SYCP2: variants seen among roughly 807,000 people sequenced by gnomAD.
The protein encoded by SYCP2 is synaptonemal complex lateral element protein.
SYCP2 carries 55 observed loss-of-function variants against 211.3 expected under a neutral mutation model. The ratio of observed to expected loss-of-function variants is 0.26; its 90% CI spans 0.21 to 0.33. The LOEUF (loss-of-function observed/expected upper bound fraction) is 0.33. Among genes scored for constraint, SYCP2 ranks in the 10% least tolerant of loss-of-function variants. SYCP2 has a pLI of 1.00. For synonymous variants in SYCP2, 570 were observed against 555.2 expected, an observed-to-expected ratio of 1.03 and a Z score of -0.37; for missense variants, 1,731 against 1,752.0, an observed-to-expected ratio of 0.99 and a Z score of 0.21.
intron 9 of SYCP2, 30 bp from the exon 10 acceptor site, chr20:59,915,229 A>G (rs2060414257): frequency 1.3e-6 from 2 of 1,486,676 alleles, no homozygotes; most frequent in Non-Finnish European, 1.9e-6. Context: ...ATTACAAAAT[A>G]GACCAGTATC....
chr20:59,914,904 T>C (rs1158950495), intron 10 of SYCP2, among the ~76,000 whole-genome samples: 1 of 151,994 alleles, frequency 6.6e-6, no homozygotes, highest in Non-Finnish European at 1.5e-5. Context: ...AGCTATTAAA[T>C]TAAGCTATTA....
At chr20:59,864,772 T>A (rs2059296786) in intron 44 of SYCP2, among the ~76,000 whole-genome samples, 1 of 152,072 alleles carries the variant, frequency 6.6e-6, no homozygotes, top group African/African-American at 2.4e-5. Context: ...TATGTCAGCA[T>A]ATTGAGGTTC....
Position 59,901,769 on chromosome 20 carries a change from T to C in SYCP2, c.1075A>G (p.Thr359Ala). The C allele has an allele frequency of 2.5e-6, 4 of 1,604,828 alleles. No individual in the cohort carries two copies. Among genetic ancestry groups the C allele is most frequent in the South Asian group, 1.1e-5 (1 of 89,526 alleles). ...KKLLTIILKN[T>A]VKISKREGKE... ...CCTTCTCTTTTGCTAATTTTTACTG[T>C]ATTTTTCAGAATTATTGTCAGTAGC... The change falls in exon 16 of 45, where the codon ACA (threonine) becomes GCA (alanine). Residue 359 changes from threonine to alanine, a missense_variant. Physicochemically the swap from Thr to Ala is moderately conservative, Grantham distance 58 (BLOSUM62 0). Transcript: ENST00000357552.
chr20:59,931,007 G>C (rs1302893507), intron 2 of SYCP2, among the ~76,000 whole-genome samples: 1 of 151,932 alleles, frequency 6.6e-6, no homozygotes, highest in Non-Finnish European at 1.5e-5. Context: ...ACTATATATA[G>C]TAACTTATGA....
chr20:59,866,657 C>T, intron 39 of SYCP2, 68 bp from the exon 40 acceptor site: 2 of 1,017,988 alleles, frequency 2.0e-6, no homozygotes, highest in South Asian at 1.6e-5. Context: ...ACTACAGTAA[C>T]AGCAAATAAT....
intron 17 of SYCP2, 22 bp from the exon 18 acceptor site, chr20:59,900,306 A>C (rs1478045327): frequency 6.4e-7 from 1 of 1,557,784 alleles, no homozygotes; most frequent in Non-Finnish European, 8.6e-7. Flanking sequence ...TATGAAAAAA[A>C]AAGTATTTAA....
chr20:59,887,003 A>G (rs114763875), intron 24 of SYCP2, among the ~76,000 whole-genome samples, 169 bp from the exon 25 acceptor site: 2,113 of 144,604 alleles, frequency 0.015, 58 homozygotes, highest in African/African-American at 0.05. Flanking sequence ...TTAAAATAAG[A>G]TAATTTTTTT....
chr20:59,930,553 G>T (rs62205071), intron 2 of SYCP2, among the ~76,000 whole-genome samples: 10,921 of 152,240 alleles, frequency 0.072, 555 homozygotes, highest in Non-Finnish European at 0.11. Context: ...TAGCAAATTA[G>T]TGCACAGTAT....
At chr20:59,916,079 G>A (rs966178431) in intron 8 of SYCP2, among the ~76,000 whole-genome samples, 2 of 151,920 alleles carry the variant, frequency 1.3e-5, no homozygotes, top group South Asian at 4.2e-4. Context: ...ACATGACTCC[G>A]ATACTTAAAG....
intron 4 of SYCP2, 64 bp from the exon 5 acceptor site, chr20:59,920,551 C>G: frequency 1.5e-6 from 2 of 1,295,172 alleles, no homozygotes; most frequent in South Asian, 1.3e-5. Flanking sequence ...AGACATTGTA[C>G]AAGGAGTGTT....
chr20:59,870,082 A>C, intron 35 of SYCP2, 99 bp from the exon 36 acceptor site: 1 of 707,766 alleles, frequency 1.4e-6, no homozygotes, highest in East Asian at 2.8e-5. Flanking sequence ...TTAAAGCAAA[A>C]CTGCAAAACT....
chr20:59,907,957 C>A (rs1006069359), intron 14 of SYCP2, among the ~76,000 whole-genome samples: 5 of 152,118 alleles, frequency 3.3e-5, no homozygotes, highest in African/African-American at 1.2e-4. Flanking sequence ...AAATTAAATA[C>A]CATTCCTGGC....
At chr20:59,884,335 A>G (rs1397399271) in intron 26 of SYCP2, among the ~76,000 whole-genome samples, 1 of 152,060 alleles carries the variant, frequency 6.6e-6, no homozygotes, top group African/African-American at 2.4e-5. Context: ...TAAATTATTT[A>G]TACAGCCCAC....
chr20:59,907,356 T>C lies in SYCP2; in HGVS notation c.1033+8A>G, dbSNP rs1344482632. 2 of 1,577,780 alleles carry C rather than the reference T, an allele frequency of 1.3e-6. No homozygotes were observed. The highest frequency in any genetic ancestry group is 1.1e-5 in the South Asian group (1 of 88,028). Reference sequence around the variant, plus strand: ...AAGAAAATTATTAGAAAAAAACAAGTTTAATACCTTCAATGCTGTATATTT... The same window carrying C: ...AAGAAAATTATTAGAAAAAAACAAGCTTAATACCTTCAATGCTGTATATTT... On this transcript the variant is annotated splice_region_variant and intron_variant, in intron 15 of 44. Transcript: ENST00000357552.
At chr20:59,895,360 C>A (rs1352555633) in intron 20 of SYCP2, 77 bp downstream of exon 20, 3 of 1,237,346 alleles carry the variant, frequency 2.4e-6, no homozygotes, top group East Asian at 5.1e-5. Flanking sequence ...TTGCAGCTTG[C>A]AAAAGGAGTT....
At chr20:59,927,846 G>C (rs572033245) in intron 2 of SYCP2, among the ~76,000 whole-genome samples, 23 of 152,260 alleles carry the variant, frequency 1.5e-4, no homozygotes, top group African/African-American at 5.1e-4. Context: ...AACTGAAAGA[G>C]GAGTTTCATG....
chr20:59,877,408 A>G lies in SYCP2; in HGVS notation c.3127T>C (p.Phe1043Leu), dbSNP rs1568917798. The change falls in exon 33 of 45, where the codon TTT (phenylalanine) becomes CTT (leucine). Residue 1043 changes from phenylalanine (F) to leucine (L), a missense_variant. By Grantham distance (22) the Phe-to-Leu change is conservative (BLOSUM62 0). Around this residue, in one of 3 missense-constraint regions of SYCP2, gnomAD observed 1,387 missense variants for 1,351.3 expected, o/e 1.03. Coordinates refer to ENST00000357552, the MANE Select transcript of SYCP2 (RefSeq NM_014258.4). ...SECEQEFSHS[F>L]KENIPVKEEN... ...ACCTTTACTGGTATGTTCTCTTTAA[A>G]TGAATGTGAAAATTCTTGTTCACAC... 1 of 1,590,152 alleles carries G rather than the reference A, an allele frequency of 6.3e-7. No individual in the cohort carries two copies. The highest frequency in any genetic ancestry group is 8.5e-7 in the Non-Finnish European group (1 of 1,173,624).
At chr20:59,905,411 T>C (rs1249308149) in intron 15 of SYCP2, among the ~76,000 whole-genome samples, 1 of 152,180 alleles carries the variant, frequency 6.6e-6, no homozygotes, top group African/African-American at 2.4e-5. Context: ...ATCTATACAA[T>C]GGACTAACAC....
At chr20:59,869,441 C>T (rs149580085) in intron 36 of SYCP2, among the ~76,000 whole-genome samples, 81 of 151,770 alleles carry the variant, frequency 5.3e-4, no homozygotes, top group African/African-American at 1.9e-3. Flanking sequence ...TTACAGGTTA[C>T]TAAAATATTT....
Sources: allele counts gnomAD v4.1 joint callset (sites outside exome capture counted in the v4.1 genomes callset), GRCh38; gene constraint gnomAD v4.1.1; regional missense constraint gnomAD v4.1.1; transcripts MANE v1.5; gene names NCBI Gene and HGNC (gene_info 2026-07-23, HGNC 2026-07-21).